The following RAP2A variants were observed in gnomAD, a reference collection of about 807,000 sequenced individuals.
RAP2A encodes ras-related protein Rap-2a.
RAP2A carries 5 observed loss-of-function variants against 15.1 expected under a neutral mutation model. The ratio of observed to expected loss-of-function variants is 0.33; its 90% CI spans 0.17 to 0.70. The LOEUF is 0.70. RAP2A is among the 30% of genes least tolerant of loss of function. RAP2A has a pLI of 0.68. For synonymous variants in RAP2A, 110 were observed against 99.7 expected, an observed-to-expected ratio of 1.10 and a Z score of -0.62; for missense variants, 111 against 240.3, an observed-to-expected ratio of 0.46 and a Z score of 3.56.
intron 1 of RAP2A, among the ~76,000 whole-genome samples, chr13:97,461,916 T>C (rs761191908): frequency 1.3e-5 from 2 of 149,030 alleles, no homozygotes; most frequent in African/African-American, 2.5e-5. Context: ...TGAGCAAAGA[T>C]CATGCCACTG....
At chr13:97,461,999 T>TATATTTATATATTTATATAG (rs1371661786) in intron 1 of RAP2A, among the ~76,000 whole-genome samples, 2 of 144,808 alleles carry the variant, frequency 1.4e-5, no homozygotes, top group Non-Finnish European at 3.0e-5. Flanking sequence ...TTTATATATT[T>TATATTTATATATTTATATAG]ATATTTATAT....
intron 1 of RAP2A, among the ~76,000 whole-genome samples, chr13:97,435,453 C>T (rs1224870521): frequency 9.9e-5 from 12 of 121,584 alleles, no homozygotes; most frequent in African/African-American, 3.5e-4. Flanking sequence ...ATATAGCCGC[C>T]TTAACCCCTT....
chr13:97,469,082 C>T lies in RAP2A; in HGVS notation c.*4640C>T, dbSNP rs2066784575. On this transcript the variant is annotated 3_prime_UTR_variant, in exon 2 of 2. Transcript: ENST00000245304. ...AAATGGATCATTCCAACTGGTTTTA[C>T]ATCGTTGAATATTATCTAGTATTTT... is the stretch of plus-strand genomic sequence containing the variant. 1 of 152,156 alleles carries T rather than the reference C, an allele frequency of 6.6e-6. No individual in the cohort carries two copies. The highest frequency in any genetic ancestry group is 1.9e-4 in the East Asian group (1 of 5,202). The allele number at this position is 152,156 out of a possible 1,614,324, so 9.4% of individuals were successfully genotyped here.
intron 1 of RAP2A, among the ~76,000 whole-genome samples, chr13:97,443,281 G>C (rs1197425490): frequency 6.6e-6 from 1 of 152,120 alleles, no homozygotes; most frequent in Non-Finnish European, 1.5e-5. Context: ...ATGCTTTCCT[G>C]ACCCTTAGAA....
Position 97,465,746 on chromosome 13 carries a change from A to C in RAP2A, c.*1304A>C, listed in dbSNP as rs1355112312. The C allele has an allele frequency of 6.6e-6, 1 of 152,250 alleles. No individual in the cohort carries two copies. The highest frequency in any genetic ancestry group is 2.4e-5 in the African/African-American group (1 of 41,468). 9.4% of individuals were successfully genotyped at this position (152,250 alleles called of 1,614,324 possible). A position where few individuals can be genotyped will look rare whatever the true frequency, so the allele number is the denominator to read the frequency against. ...ACATTTTTGGTTTTCATAGTCGTGA[A>C]GTATTTATCATTTGCATGACTAATG... On this transcript the variant is annotated 3_prime_UTR_variant, in exon 2 of 2. Coordinates refer to ENST00000245304, the MANE Select transcript of RAP2A (RefSeq NM_021033.7).
rs2066768758 is a variant in RAP2A at position 97,465,953 on chromosome 13, C to T, written c.*1511C>T. On this transcript the variant is annotated 3_prime_UTR_variant, in exon 2 of 2. Coordinates refer to ENST00000245304, the MANE Select transcript of RAP2A (RefSeq NM_021033.7). ...ACACCACCCCACATTTTGTTGGTTT[C>T]ACAGTCTTGTGCAAGTAACCTCTGG... is the stretch of plus-strand genomic sequence containing the variant. 6.6e-6 allele frequency: 1 copy of T among 152,098 alleles called. No individual in the cohort carries two copies. Among genetic ancestry groups the T allele is most frequent in the Non-Finnish European group, 1.5e-5 (1 of 68,026 alleles). 9.4% of individuals were successfully genotyped at this position (152,098 alleles called of 1,614,324 possible).
intron 1 of RAP2A, among the ~76,000 whole-genome samples, chr13:97,457,226 T>A (rs758702570): frequency 1.3e-5 from 2 of 151,810 alleles, no homozygotes; most frequent in Non-Finnish European, 2.9e-5. Flanking sequence ...TGCAAAAGAT[T>A]ATAGGTATAA....
intron 1 of RAP2A, among the ~76,000 whole-genome samples, chr13:97,438,476 T>C (rs2066643239): frequency 6.6e-6 from 1 of 152,188 alleles, no homozygotes; most frequent in Non-Finnish European, 1.5e-5. Context: ...AACCCATTTA[T>C]ACCGGAGGTT....
chr13:97,435,361 G>C lies in RAP2A; in HGVS notation c.314+577G>C, dbSNP rs141241318. The stretch of plus-strand genomic sequence containing the variant: ...CATCATAAGCTAAATGGGGTTTCGA[G>C]AATATTAACAGAGGAGTACAAATAA... On this transcript the variant is annotated intron_variant, in intron 1 of 1. Coordinates refer to ENST00000245304, the MANE Select transcript of RAP2A (RefSeq NM_021033.7). Among the ~76,000 whole-genome samples the C allele has an allele frequency of 2.3e-3, 339 of 148,846 alleles. 3 individuals carry two copies. Among genetic ancestry groups the C allele is most frequent in the African/African-American group, 8.0e-3 (325 of 40,506 alleles).
intron 1 of RAP2A, among the ~76,000 whole-genome samples, chr13:97,451,758 C>T (rs2066703202): frequency 6.7e-6 from 1 of 150,282 alleles, no homozygotes; most frequent in Admixed American, 6.6e-5. Context: ...TAGTTGTAAA[C>T]AGCAAGAGTA....
chr13:97,441,997 G>A (rs901461706), intron 1 of RAP2A: 2 of 200,560 alleles, frequency 1.0e-5, no homozygotes, highest in Admixed American at 6.1e-5. Context: ...GACACTTGTG[G>A]TTCATATCAT....
At position 97,468,927 on chromosome 13, in the gene RAP2A, A is replaced by G. The variant is rs923049688; in HGVS notation, c.*4485A>G. 7.2e-5 allele frequency: 11 copies of G among 152,172 alleles called. No homozygotes were observed. The highest frequency in any genetic ancestry group is 2.4e-4 in the African/African-American group (10 of 41,440). 9.4% of individuals were successfully genotyped at this position (152,172 alleles called of 1,614,324 possible). A position where few individuals can be genotyped will look rare whatever the true frequency, so the allele number is the denominator to read the frequency against. ...AAGGTGCTGCCCAATTTGGAACCCA[A>G]CTGACCTCTAGGATCTATGAAGCAG... On this transcript the variant is annotated 3_prime_UTR_variant, in exon 2 of 2. Coordinates refer to ENST00000245304, the MANE Select transcript of RAP2A (RefSeq NM_021033.7).
chr13:97,459,411 C>G (rs1318723434), intron 1 of RAP2A, among the ~76,000 whole-genome samples: 2 of 152,178 alleles, frequency 1.3e-5, no homozygotes, highest in Non-Finnish European at 2.9e-5. Context: ...AGTCAGCCCT[C>G]TAAGTCAGTC....
chr13:97,442,218 A>G (rs2066660614), intron 1 of RAP2A, among the ~76,000 whole-genome samples: 1 of 152,136 alleles, frequency 6.6e-6, no homozygotes, highest in African/African-American at 2.4e-5. Context: ...CAATATTTGA[A>G]GATTCTAATA....
intron 1 of RAP2A, among the ~76,000 whole-genome samples, chr13:97,440,891 G>A (rs981035380): frequency 6.6e-6 from 1 of 152,100 alleles, no homozygotes; most frequent in African/African-American, 2.4e-5. Context: ...ATACAATACA[G>A]TATTGTTAAC....
At chr13:97,444,959 A>G (rs1053405236) in intron 1 of RAP2A, among the ~76,000 whole-genome samples, 1 of 152,196 alleles carries the variant, frequency 6.6e-6, no homozygotes, top group East Asian at 1.9e-4. Context: ...CAGGAAATCC[A>G]AAGTCAAGAC....
intron 1 of RAP2A, among the ~76,000 whole-genome samples, chr13:97,453,046 T>C (rs1189470351): frequency 6.6e-6 from 1 of 151,322 alleles, no homozygotes; most frequent in Non-Finnish European, 1.5e-5. Flanking sequence ...TGTTTGTGTC[T>C]TTTTTTTCTT....
chr13:97,447,656 A>C (rs879861757), intron 1 of RAP2A, among the ~76,000 whole-genome samples: 1 of 152,234 alleles, frequency 6.6e-6, no homozygotes, highest in Non-Finnish European at 1.5e-5. Context: ...GATAGTGTAC[A>C]TCCAAAAATG....
chr13:97,439,454 C>A (rs2066647464), intron 1 of RAP2A, among the ~76,000 whole-genome samples: 1 of 149,638 alleles, frequency 6.7e-6, no homozygotes, highest in Non-Finnish European at 1.5e-5. Context: ...AGTAATCAAA[C>A]TCAGTGGTAG....
Sources: allele counts gnomAD v4.1 joint callset (sites outside exome capture counted in the v4.1 genomes callset), GRCh38; gene constraint gnomAD v4.1.1; transcripts MANE v1.5; gene names NCBI Gene and HGNC (gene_info 2026-07-23, HGNC 2026-07-21).